IGSF21: variants seen among roughly 807,000 people sequenced by gnomAD.
IGSF21 encodes the protein immunoglobulin superfamily member 21.
In IGSF21, 28 loss-of-function variants were observed where a neutral mutation model predicts 46.8. The observed-to-expected ratio is 0.60, with a 90% confidence interval of 0.44 to 0.82. IGSF21 has a LOEUF of 0.82. Ranked by LOEUF, IGSF21 falls within the 40% of genes least tolerant of loss-of-function variation. The probability of loss-of-function intolerance (pLI) is 0.00; values close to 1 mark genes in which losing one functional copy is unlikely to be tolerated. For missense variants in IGSF21, 624 were observed against 665.5 expected (o/e 0.94, Z 0.69); for synonymous variants, 284 against 273.6 (o/e 1.04, Z -0.38).
At chr1:18,310,147 C>G (rs1423275288) in intron 3 of IGSF21, among the ~76,000 whole-genome samples, 1 of 152,240 alleles carries the variant, frequency 6.6e-6, no homozygotes, top group Non-Finnish European at 1.5e-5. Flanking sequence ...CTTGGTGAGG[C>G]CTTCCAGGCT....
intron 6 of IGSF21, among the ~76,000 whole-genome samples, chr1:18,366,558 A>G (rs1164806112): frequency 6.6e-6 from 1 of 152,162 alleles, no homozygotes; most frequent in African/African-American, 2.4e-5. Flanking sequence ...AGGGTTGCAA[A>G]CCTGGGAGGT....
At chr1:18,171,137 C>T (rs2086732673) in intron 1 of IGSF21, among the ~76,000 whole-genome samples, 2 of 152,054 alleles carry the variant, frequency 1.3e-5, no homozygotes, top group South Asian at 4.2e-4. Context: ...GCTGGCCTCA[C>T]TCTCATGCCA....
chr1:18,209,450 TTTTC>T (rs2124489218), intron 1 of IGSF21, among the ~76,000 whole-genome samples: 1 of 151,780 alleles, frequency 6.6e-6, no homozygotes, highest in Admixed American at 6.6e-5. Flanking sequence ...CCTTCTTTTC[TTTTC>T]TTTCTTTCTT....
rs760448516 is a variant in IGSF21, at chr1:18,273,039, C to CTTTTTTTTTT, written c.184-18811_184-18802dup. ...CTTCTCCACTAGCAGCCAGACGGAT[C>CTTTTTTTTTT]TTTTTTTTTTTTTTTTTTTTTTTTT... On this transcript the variant is annotated intron_variant, in intron 2 of 9. Transcript: ENST00000251296. Among the ~76,000 whole-genome samples the CTTTTTTTTTT allele has an allele frequency of 4.5e-4, 36 of 80,720 alleles. 4 individuals are homozygous for CTTTTTTTTTT. The highest frequency in any genetic ancestry group is 1.4e-3 in the African/African-American group (26 of 18,704). The allele number at this position is 80,720 out of a possible 152,430, so 53.0% of individuals were successfully genotyped here. A position where few individuals can be genotyped will look rare whatever the true frequency, so the allele number is the denominator to read the frequency against.
intron 2 of IGSF21, among the ~76,000 whole-genome samples, chr1:18,283,856 T>C (rs2085186688): frequency 6.6e-6 from 1 of 152,142 alleles, no homozygotes; most frequent in Admixed American, 6.5e-5. Flanking sequence ...ATCCCTTCTC[T>C]GGCCATGGGT....
rs576638510 is a variant in IGSF21 at position 18,173,276 on chromosome 1, G to A, written c.71-54622G>A. Among the ~76,000 whole-genome samples the A allele has an allele frequency of 4.6e-5, 7 of 152,340 alleles. No homozygotes were observed. In the East Asian group the frequency reaches 1.4e-3, roughly 29 times the overall value. On this transcript the variant is annotated intron_variant, in intron 1 of 9. Transcript: ENST00000251296. ...GCACTCCAGCCTCAGCGACAGGCAA[G>A]ACTCCGTCTCAAAAACACAAAACAA... is the stretch of plus-strand genomic sequence containing the variant.
chr1:18,167,020 T>A (rs917029100), intron 1 of IGSF21: 8 of 153,198 alleles, frequency 5.2e-5, no homozygotes, highest in African/African-American at 1.9e-4. Flanking sequence ...AGGAACCGTC[T>A]TTACCTGAAA....
intron 2 of IGSF21, among the ~76,000 whole-genome samples, chr1:18,265,188 AT>A (rs1474577331): frequency 2.0e-5 from 3 of 152,156 alleles, no homozygotes; most frequent in African/African-American, 7.2e-5. Flanking sequence ...TATTTATGGT[AT>A]TTGTTTTTCT....
chr1:18,117,082 G>A (rs2086195403), intron 1 of IGSF21, among the ~76,000 whole-genome samples: 1 of 152,230 alleles, frequency 6.6e-6, no homozygotes, highest in South Asian at 2.1e-4. Context: ...CATTCCCAGA[G>A]CAGGGCTCTA....
At chr1:18,203,367 G>T (rs2087095686) in intron 1 of IGSF21, among the ~76,000 whole-genome samples, 1 of 152,164 alleles carries the variant, frequency 6.6e-6, no homozygotes, top group Non-Finnish European at 1.5e-5. Context: ...GGAGTGCAGT[G>T]GCGCGATCTT....
intron 4 of IGSF21, among the ~76,000 whole-genome samples, chr1:18,350,645 T>A (rs1052134404): frequency 6.6e-6 from 1 of 150,830 alleles, no homozygotes; most frequent in Non-Finnish European, 1.5e-5. Context: ...AAAAAATGCA[T>A]CCCCCTCCCA....
chr1:18,168,686 A>G (rs1472336100), intron 1 of IGSF21, among the ~76,000 whole-genome samples: 1 of 152,246 alleles, frequency 6.6e-6, no homozygotes, highest in Non-Finnish European at 1.5e-5. Context: ...CCCTATCCGA[A>G]TTAACCTGCT....
At chr1:18,375,603 C>T (rs1360589196) in intron 6 of IGSF21, among the ~76,000 whole-genome samples, 1 of 152,166 alleles carries the variant, frequency 6.6e-6, no homozygotes, top group Admixed American at 6.5e-5. Context: ...GGCAGGGAGG[C>T]TGTGCACAAG....
chr1:18,233,677 T>G (rs985014856), intron 2 of IGSF21, among the ~76,000 whole-genome samples: 1 of 152,202 alleles, frequency 6.6e-6, no homozygotes, highest in African/African-American at 2.4e-5. Flanking sequence ...AGGGAAATTA[T>G]AGAATAAGAG....
intron 4 of IGSF21, among the ~76,000 whole-genome samples, chr1:18,352,314 T>C (rs1263320611): frequency 6.6e-6 from 1 of 152,166 alleles, no homozygotes; most frequent in Non-Finnish European, 1.5e-5. Flanking sequence ...ATGCACCAAC[T>C]GAAGCTTACA....
chr1:18,318,227 C>T (rs1043796946), intron 3 of IGSF21, among the ~76,000 whole-genome samples: 2 of 152,104 alleles, frequency 1.3e-5, no homozygotes, highest in Non-Finnish European at 2.9e-5. Context: ...GAAGCCCTGG[C>T]CCCCCGTCCC....
At chr1:18,324,906 AC>A (rs2085642905) in intron 3 of IGSF21, among the ~76,000 whole-genome samples, 1 of 152,166 alleles carries the variant, frequency 6.6e-6, no homozygotes, top group Non-Finnish European at 1.5e-5. Context: ...TGGAGCTGAA[AC>A]TTCGCCTTCA....
At chr1:18,208,552 T>C (rs2084357443) in intron 1 of IGSF21, among the ~76,000 whole-genome samples, 1 of 49,572 alleles carries the variant, frequency 2.0e-5, no homozygotes, top group Non-Finnish European at 5.2e-5. Context: ...CAGCTAATTT[T>C]TTTTTTTTTT....
At chr1:18,367,580 C>T (rs1367328301) in intron 6 of IGSF21, among the ~76,000 whole-genome samples, 1 of 147,200 alleles carries the variant, frequency 6.8e-6, no homozygotes, top group Non-Finnish European at 1.5e-5. Flanking sequence ...TTACAATGGA[C>T]CTTTGATATT....
Sources: gnomAD v4.1 joint callset for allele counts (sites outside exome capture counted in the v4.1 genomes callset) on GRCh38, gnomAD v4.1.1 for gene constraint, MANE v1.5 for transcripts, NCBI Gene and HGNC (gene_info 2026-07-23, HGNC 2026-07-21) for gene names.